The following FBXW7 variants were observed in gnomAD, a reference collection of about 807,000 sequenced individuals.
FBXW7 encodes F-box and WD repeat domain containing 7.
A neutral mutation model predicts 86.3 loss-of-function variants in FBXW7; 11 were observed. The ratio of observed to expected loss-of-function variants is 0.13; its 90% confidence interval spans 0.08 to 0.21. The LOEUF (loss-of-function observed/expected upper bound fraction) is 0.21, where lower values mean the gene tolerates loss of function less well. Ranked by LOEUF, FBXW7 falls within the 10% of genes least tolerant of loss-of-function variation. The pLI, the probability that FBXW7 is intolerant of heterozygous loss-of-function variation, is 1.00. For synonymous variants in FBXW7, 313 were observed against 297.9 expected, an observed-to-expected ratio of 1.05 and a Z score of -0.52; for missense variants, 488 against 847.4, an observed-to-expected ratio of 0.58 and a Z score of 5.27.
At chr4:152,462,635 G>A (rs183666288) in intron 2 of FBXW7, among the ~76,000 whole-genome samples, 28 of 152,306 alleles carry the variant, frequency 1.8e-4, no homozygotes, top group African/African-American at 6.5e-4. Flanking sequence ...ATTACACATT[G>A]CAGTTGGAGG....
chr4:152,519,714 G>A (rs1579418695), intron 2 of FBXW7, among the ~76,000 whole-genome samples: 1 of 152,140 alleles, frequency 6.6e-6, no homozygotes. Context: ...GCTTCTTCAC[G>A]AGTCTGTTAA....
chr4:152,382,352 G>C (rs1286373187), intron 4 of FBXW7: 9 of 1,554,256 alleles, frequency 5.8e-6, no homozygotes, highest in Non-Finnish European at 7.8e-6. Context: ...ACTCCTCTTG[G>C]TTGACGAATA....
intron 2 of FBXW7, among the ~76,000 whole-genome samples, chr4:152,460,570 T>A (rs1742848381): frequency 6.6e-6 from 1 of 152,224 alleles, no homozygotes. Flanking sequence ...TTACCTTCAC[T>A]TCTAGCTGAA....
intron 4 of FBXW7, among the ~76,000 whole-genome samples, chr4:152,357,161 AC>A (rs1732462615): frequency 6.6e-6 from 1 of 152,122 alleles, no homozygotes; most frequent in East Asian, 1.9e-4. Context: ...AACACTAAAC[AC>A]TGTAATAGAT....
At chr4:152,353,013 G>A (rs1284090873) in intron 4 of FBXW7, 4 of 1,222,184 alleles carry the variant, frequency 3.3e-6, no homozygotes, top group East Asian at 3.3e-5. Flanking sequence ...GCCCCCACAC[G>A]ACAGCCCCCT....
intron 2 of FBXW7, 75 bp downstream of exon 2, chr4:152,534,866 C>G (rs1179247279): frequency 6.6e-6 from 1 of 152,268 alleles, no homozygotes; most frequent in Non-Finnish European, 1.5e-5. Flanking sequence ...TGGAGAACAT[C>G]AGCAAAACTC....
At chr4:152,466,855 T>A (rs1447145705) in intron 2 of FBXW7, among the ~76,000 whole-genome samples, 3 of 152,028 alleles carry the variant, frequency 2.0e-5, no homozygotes, top group Non-Finnish European at 4.4e-5. Context: ...GGCAGGAGAA[T>A]GGCGTGAACC....
chr4:152,389,711 G>A (rs1735838862), intron 4 of FBXW7, among the ~76,000 whole-genome samples: 1 of 151,842 alleles, frequency 6.6e-6, no homozygotes, highest in Non-Finnish European at 1.5e-5. Context: ...TCACCACTAT[G>A]TAATATATCC....
rs1318781599 is a variant in FBXW7 at position 152,322,850 on chromosome 4, C to A, written c.*31G>T. On this transcript the variant is annotated 3_prime_UTR_variant, in exon 14 of 14. Transcript: ENST00000281708. ...GGAAGGGCAGGGAGTATATCGTCTA[C>A]ACAATTGGACAAATTCATCTTTTCT... 1 of 1,611,374 alleles carries A rather than the reference C, an allele frequency of 6.2e-7. No individual in the cohort carries two copies.
intron 2 of FBXW7, among the ~76,000 whole-genome samples, chr4:152,523,374 A>G (rs1749193867): frequency 6.6e-6 from 1 of 152,250 alleles, no homozygotes. Flanking sequence ...AAAGGGTAGA[A>G]AACACAAAAT....
chr4:152,419,356 G>A (rs996595525), intron 2 of FBXW7, among the ~76,000 whole-genome samples: 3 of 152,018 alleles, frequency 2.0e-5, no homozygotes, highest in Non-Finnish European at 4.4e-5. Flanking sequence ...CCACGGGGTT[G>A]AATTTTCCCC....
At chr4:152,468,457 G>A (rs146642437) in intron 2 of FBXW7, among the ~76,000 whole-genome samples, 2 of 152,254 alleles carry the variant, frequency 1.3e-5, no homozygotes, top group East Asian at 1.9e-4. Context: ...TACAACATGA[G>A]TGAAGCTTTA....
chr4:152,462,957 G>C (rs540743294), intron 2 of FBXW7, among the ~76,000 whole-genome samples: 1 of 142,298 alleles, frequency 7.0e-6, no homozygotes, highest in South Asian at 2.2e-4. Flanking sequence ...AGTACACTGA[G>C]TAATTTCTTG....
intron 2 of FBXW7, among the ~76,000 whole-genome samples, chr4:152,501,913 C>A (rs1746990979): frequency 6.6e-6 from 1 of 152,044 alleles, no homozygotes; most frequent in Non-Finnish European, 1.5e-5. Context: ...ATCCTTTTAT[C>A]CATGAAAAAT....
intron 2 of FBXW7, among the ~76,000 whole-genome samples, chr4:152,443,629 C>A (rs915598944): frequency 4.6e-5 from 7 of 151,796 alleles, no homozygotes; most frequent in Non-Finnish European, 7.4e-5. Flanking sequence ...TGATTTTTTT[C>A]TCTTCTTTTG....
intron 7 of FBXW7, 87 bp from the exon 8 acceptor site, chr4:152,332,806 T>C (rs138358716): frequency 1.1e-5 from 7 of 629,266 alleles, no homozygotes; most frequent in African/African-American, 4.0e-5. Flanking sequence ...CAGGATGAGA[T>C]ACTTGATAAA....
chr4:152,361,654 A>G (rs1732954704), intron 4 of FBXW7, among the ~76,000 whole-genome samples: 1 of 152,202 alleles, frequency 6.6e-6, no homozygotes, highest in South Asian at 2.1e-4. Flanking sequence ...ATATTTACCT[A>G]TAAACACTTG....
intron 2 of FBXW7, among the ~76,000 whole-genome samples, chr4:152,500,496 CAAAAA>C (rs34375454): frequency 8.2e-5 from 6 of 73,092 alleles, no homozygotes; most frequent in Admixed American, 1.6e-4. Flanking sequence ...GCTTTGTCAG[CAAAAA>C]AAAAAAAAAA....
At chr4:152,432,925 G>C (rs1740043218) in intron 2 of FBXW7, among the ~76,000 whole-genome samples, 1 of 152,186 alleles carries the variant, frequency 6.6e-6, no homozygotes, top group Non-Finnish European at 1.5e-5. Context: ...TGTTCCATCA[G>C]TGCAGATTAG....
Sources: allele counts gnomAD v4.1 joint callset (sites outside exome capture counted in the v4.1 genomes callset), GRCh38; gene constraint gnomAD v4.1.1; transcripts MANE v1.5; gene names NCBI Gene and HGNC (gene_info 2026-07-23, HGNC 2026-07-21).